The following TIAM2 variants were observed in gnomAD, a reference collection of about 807,000 sequenced individuals.
TIAM2 encodes rho guanine nucleotide exchange factor TIAM2.
A neutral mutation model predicts 152.9 loss-of-function variants in TIAM2; 80 were observed. The observed-to-expected ratio is 0.52, with a 90% CI of 0.44 to 0.63. The LOEUF is 0.63. Ranked by LOEUF, TIAM2 falls within the 30% of genes least tolerant of loss-of-function variation. TIAM2 has a pLI of 0.00. For missense variants in TIAM2, 1,965 were observed against 2,120.1 expected, an observed-to-expected ratio of 0.93 and a Z score of 1.44; for synonymous variants, 804 against 838.0, an observed-to-expected ratio of 0.96 and a Z score of 0.70.
intron 15 of TIAM2, among the ~76,000 whole-genome samples, chr6:155,226,783 C>T (rs114234412): frequency 1.5e-3 from 225 of 152,222 alleles, no homozygotes; most frequent in African/African-American, 4.7e-3. Context: ...TGACATAGTC[C>T]CTTTCATTCC....
intron 9 of TIAM2, among the ~76,000 whole-genome samples, chr6:155,172,643 TATATATATATATATATATATATATATA>T (rs1439464248): frequency 4.2e-4 from 15 of 35,770 alleles, no homozygotes; most frequent in Non-Finnish European, 6.1e-4. Flanking sequence ...TAGTTGGAAA[TATATATATATATATATATATATATATA>T]TATATATATA....
intron 1 of TIAM2, among the ~76,000 whole-genome samples, chr6:155,003,562 C>T (rs565171284): frequency 1.3e-5 from 2 of 152,166 alleles, no homozygotes; most frequent in African/African-American, 4.8e-5. Context: ...GTGGAAGACT[C>T]GACGCTCCCA....
chr6:155,055,488 A>G (rs563682709), intron 1 of TIAM2, among the ~76,000 whole-genome samples: 75 of 152,316 alleles, frequency 4.9e-4, no homozygotes, highest in African/African-American at 1.7e-3. Context: ...ACTTCTTGGT[A>G]TAAGTTTGAG....
chr6:155,115,630 G>T (rs1052534999), intron 2 of TIAM2, among the ~76,000 whole-genome samples: 1 of 152,174 alleles, frequency 6.6e-6, no homozygotes, highest in Non-Finnish European at 1.5e-5. Flanking sequence ...TCCAGCCTGC[G>T]TGATAGAGCA....
chr6:155,116,625 T>C (rs539589109), intron 2 of TIAM2, among the ~76,000 whole-genome samples: 2 of 152,334 alleles, frequency 1.3e-5, no homozygotes, highest in Admixed American at 1.3e-4. Context: ...GAGGACGGTA[T>C]CTGCTTCTGA....
intron 2 of TIAM2, among the ~76,000 whole-genome samples, chr6:155,100,981 G>A (rs1778537674): frequency 6.6e-6 from 1 of 152,114 alleles, no homozygotes; most frequent in Admixed American, 6.5e-5. Context: ...ATGTCTGAGC[G>A]GCCAATGAAT....
chr6:155,156,422 AG>A lies in TIAM2; in HGVS notation c.2029-7991del, dbSNP rs746324561. 6.6e-6 allele frequency among the ~76,000 whole-genome samples: 1 copy of A among 152,170 alleles called. No homozygotes were observed. Among genetic ancestry groups the A allele is most frequent in the Non-Finnish European group, 1.5e-5 (1 of 68,020 alleles). On this transcript the variant is annotated intron_variant, in intron 7 of 26. Transcript: ENST00000682666. The surrounding 1 kb of genome is among the most constrained non-coding windows in gnomAD (Gnocchi z 4.4). ...GTAATCCCAGCATTTTGGGAGGCCA[AG>A]GTGGGCGGATCACTTGAGGTCAGGA...
At chr6:155,152,653 G>C (rs1381793426) in intron 7 of TIAM2, among the ~76,000 whole-genome samples, 3 of 152,168 alleles carry the variant, frequency 2.0e-5, no homozygotes. Context: ...AGAGTGTTCA[G>C]AGCACCCCAG....
intron 9 of TIAM2, among the ~76,000 whole-genome samples, chr6:155,169,630 C>T (rs1005797389): frequency 4.6e-5 from 7 of 152,110 alleles, no homozygotes; most frequent in East Asian, 1.9e-4. Context: ...TCTCTCCAGG[C>T]GCCGTCAAGG....
chr6:155,059,569 G>A (rs1777531621), intron 1 of TIAM2, among the ~76,000 whole-genome samples: 1 of 152,038 alleles, frequency 6.6e-6, no homozygotes, highest in Non-Finnish European at 1.5e-5. Flanking sequence ...ACCCAGCCCG[G>A]CCTCCCAAAG....
At chr6:155,102,608 G>T (rs1778576122) in intron 2 of TIAM2, among the ~76,000 whole-genome samples, 1 of 152,106 alleles carries the variant, frequency 6.6e-6, no homozygotes, top group Non-Finnish European at 1.5e-5. Context: ...GCTCTTCTCT[G>T]GATAGGAACA....
At chr6:155,029,470 A>AGT (rs1562295152) in intron 1 of TIAM2, among the ~76,000 whole-genome samples, 3,025 of 46,940 alleles carry the variant, frequency 0.064, 519 homozygotes, top group African/African-American at 0.078. Flanking sequence ...TATAATATAT[A>AGT]CTATAGTATA....
chr6:155,137,572 G>A lies in TIAM2; in HGVS notation c.1590G>A (p.Val530=), dbSNP rs531664181. 2 of 1,609,266 alleles carry A rather than the reference G, an allele frequency of 1.2e-6. No individual in the cohort carries two copies. The highest frequency in any genetic ancestry group is 4.5e-5 in the East Asian group (2 of 44,870). Residue 530 remains valine (V), a synonymous_variant, in exon 5 of 27, where the codon GTG becomes GTA. Coordinates refer to ENST00000682666, the MANE Select transcript of TIAM2 (RefSeq NM_012454.4). ...TVQKERKLEL[V]ARRKWKQYWV... ...AGAAGGAAAGGAAGCTTGAGCTGGT[G>A]GCACGAAGGAAATGGAAACAGTACT... is the stretch of plus-strand genomic sequence containing the variant.
intron 1 of TIAM2, among the ~76,000 whole-genome samples, chr6:154,996,686 T>G (rs774793931): frequency 6.6e-6 from 1 of 152,154 alleles, no homozygotes; most frequent in Non-Finnish European, 1.5e-5. Context: ...GTGTCCATGG[T>G]TTTATAATTT....
At chr6:155,096,033 A>G (rs1373341196) in intron 2 of TIAM2, among the ~76,000 whole-genome samples, 1 of 152,150 alleles carries the variant, frequency 6.6e-6, no homozygotes, top group African/African-American at 2.4e-5. Context: ...TGGGTAGCGT[A>G]ATAATACAGA....
chr6:155,125,424 C>T (rs773177056), intron 2 of TIAM2, among the ~76,000 whole-genome samples: 3 of 152,092 alleles, frequency 2.0e-5, no homozygotes, highest in African/African-American at 2.4e-5. Flanking sequence ...TAACTGCTGT[C>T]GAAAAACAGA....
At chr6:155,173,161 T>G (rs1309488055) in intron 9 of TIAM2, among the ~76,000 whole-genome samples, 3 of 135,414 alleles carry the variant, frequency 2.2e-5, no homozygotes, top group Admixed American at 1.5e-4. Flanking sequence ...TGTATACATT[T>G]GTGAGGGTTG....
intron 14 of TIAM2, among the ~76,000 whole-genome samples, chr6:155,184,235 C>T (rs1477047053): frequency 6.6e-5 from 10 of 152,140 alleles, no homozygotes; most frequent in Non-Finnish European, 1.0e-4. Context: ...GTGATCTACC[C>T]GCCTCGGTCT....
At chr6:155,164,680 C>CG in intron 8 of TIAM2, 80 bp downstream of exon 8, 1 of 1,506,904 alleles carries the variant, frequency 6.6e-7, no homozygotes, top group Admixed American at 1.8e-5. Flanking sequence ...TTGTTGCCAT[C>CG]GGCACTTGTG....
Sources: gnomAD v4.1 joint callset for allele counts (sites outside exome capture counted in the v4.1 genomes callset) on GRCh38, gnomAD v4.1.1 for gene constraint, Gnocchi (gnomAD v3.1) non-coding constraint, MANE v1.5 for transcripts, NCBI Gene and HGNC (gene_info 2026-07-23, HGNC 2026-07-21) for gene names.